The following CYP26B1 variants were observed in gnomAD, a reference collection of about 807,000 sequenced individuals.
CYP26B1 encodes cytochrome P450 26B1.
Under a neutral mutation model 39.1 loss-of-function variants are expected in CYP26B1, and 8 were observed. The observed-to-expected ratio is 0.20, with a 90% CI of 0.12 to 0.37. The LOEUF (loss-of-function observed/expected upper bound fraction) is 0.37. Ranked by LOEUF, CYP26B1 falls within the 10% of genes least tolerant of loss-of-function variation. The pLI, the probability that CYP26B1 is intolerant of heterozygous loss-of-function variation, is 1.00. For synonymous variants in CYP26B1, 321 were observed against 314.3 expected (o/e 1.02, Z -0.23); for missense variants, 615 against 707.0 (o/e 0.87, Z 1.48).
At chr2:72,143,834 G>A (rs1677031282) in intron 2 of CYP26B1, among the ~76,000 whole-genome samples, 155 bp downstream of exon 2, 1 of 152,350 alleles carries the variant, frequency 6.6e-6, no homozygotes, top group South Asian at 2.1e-4. Context: ...CCTGGATCCG[G>A]ACTCGAGGCC....
chr2:72,147,708 T>C lies in CYP26B1; in HGVS notation c.127A>G (p.Lys43Glu). The change falls in exon 1 of 6, where the codon AAG (lysine) becomes GAG (glutamate). Residue 43 changes from lysine (K) to glutamate (E), a missense_variant. Transcript: ENST00000001146. The surrounding 1 kb of genome is among the most constrained non-coding windows in gnomAD (Gnocchi z 6.1). Reference sequence around the variant, plus strand: ...TTGGGGATGGGCAGCTTGCAGCTCTTGTCGCGAGTGGCGGCCCAGCGCAGC... The same window carrying C: ...TTGGGGATGGGCAGCTTGCAGCTCTCGTCGCGAGTGGCGGCCCAGCGCAGC... ...WQLRWAATRD[K>E]SCKLPIPKGS... 6.2e-7 allele frequency: 1 copy of C among 1,605,798 alleles called. No homozygotes were observed. Among genetic ancestry groups the C allele is most frequent in the Non-Finnish European group, 8.5e-7 (1 of 1,176,644 alleles).
At position 72,131,974 on chromosome 2, in the gene CYP26B1, C is replaced by T. The variant is rs551083754; in HGVS notation, c.*253G>A. 6 of 572,822 alleles carry T rather than the reference C, an allele frequency of 1.0e-5. No homozygotes were observed. The East Asian group carries it at 1.5e-4, about 14-fold the overall frequency. The allele number at this position is 572,822 out of a possible 1,614,324, so 35.5% of individuals were successfully genotyped here. On this transcript the variant is annotated 3_prime_UTR_variant, in exon 6 of 6. Coordinates refer to ENST00000001146, the MANE Select transcript of CYP26B1 (RefSeq NM_019885.4). ...TGTCACGGGCATGCAGAGCCCCTGCCACGCCCTTCCCAGGGGCTGAGCTGA... is the reference window on the plus strand; with the variant it reads ...TGTCACGGGCATGCAGAGCCCCTGCTACGCCCTTCCCAGGGGCTGAGCTGA...
intron 5 of CYP26B1, 34 bp downstream of exon 5, chr2:72,132,986 TCCC>T: frequency 2.5e-6 from 4 of 1,612,536 alleles, no homozygotes; most frequent in Non-Finnish European, 3.4e-6. Flanking sequence ...GTGCCCCTGC[TCCC>T]CCATCGCCCC....
chr2:72,139,984 G>C (rs1309515050), intron 2 of CYP26B1, among the ~76,000 whole-genome samples: 3 of 152,336 alleles, frequency 2.0e-5, no homozygotes, highest in South Asian at 2.1e-4. Context: ...CATGTCTCAG[G>C]GTCCTGCAGC....
chr2:72,135,918 C>A (rs563238661), intron 2 of CYP26B1, among the ~76,000 whole-genome samples: 2 of 152,234 alleles, frequency 1.3e-5, no homozygotes, highest in East Asian at 3.9e-4. Flanking sequence ...GTGGCCAGGT[C>A]CAAAAGCAGG....
chr2:72,141,619 A>G (rs1558970850), intron 2 of CYP26B1, among the ~76,000 whole-genome samples: 1 of 152,212 alleles, frequency 6.6e-6, no homozygotes, highest in Non-Finnish European at 1.5e-5. Flanking sequence ...CCGGATAAAG[A>G]GGTGTGCATG....
chr2:72,140,748 G>A (rs529018600), intron 2 of CYP26B1, among the ~76,000 whole-genome samples: 6 of 152,314 alleles, frequency 3.9e-5, no homozygotes, highest in African/African-American at 1.4e-4. Context: ...AGGGATGGTG[G>A]GTGGACAGGC....
chr2:72,138,971 C>T (rs1050269168), intron 2 of CYP26B1, among the ~76,000 whole-genome samples: 2 of 152,252 alleles, frequency 1.3e-5, no homozygotes, highest in African/African-American at 4.8e-5. Context: ...CTCCTCACCC[C>T]TCCTGCCTCT....
In CYP26B1 at chr2:72,135,266, G is replaced by A. The variant is rs754646653; in HGVS notation, c.583C>T (p.Arg195Trp). ...AQKLTFRMAIRVLLGFSIPEE... is the reference protein window; with the variant it reads ...AQKLTFRMAIWVLLGFSIPEE... Reference sequence around the variant, plus strand: ...GGGATGCTGAAGCCCAGCAGCACCCGGATGGCCATGCGGAAGGTCAGCTTC... The same window carrying A: ...GGGATGCTGAAGCCCAGCAGCACCCAGATGGCCATGCGGAAGGTCAGCTTC... The change falls in exon 3 of 6, where the codon CGG becomes TGG. Residue 195 changes from arginine (R) to tryptophan (W), a missense_variant. Transcript: ENST00000001146. 1.9e-5 allele frequency: 30 copies of A among 1,613,988 alleles called. No individual in the cohort carries two copies. The highest frequency in any genetic ancestry group is 3.3e-5 in the South Asian group (3 of 91,086).
chr2:72,131,838 C>A lies in CYP26B1; in HGVS notation c.*389G>T. On this transcript the variant is annotated 3_prime_UTR_variant, in exon 6 of 6. Coordinates refer to ENST00000001146, the MANE Select transcript of CYP26B1 (RefSeq NM_019885.4). ...ACGCTGAAGAGTGCGCCCAAGGGGG[C>A]ACGGCTCTTCCCGTCCCCCAACCCC... The A allele has an allele frequency of 4.6e-6, 1 of 218,422 alleles. No individual in the cohort carries two copies. Among genetic ancestry groups the A allele is most frequent in the Non-Finnish European group, 9.2e-6 (1 of 108,908 alleles). 13.5% of individuals were successfully genotyped at this position (218,422 alleles called of 1,614,324 possible).
intron 1 of CYP26B1, chr2:72,144,473 A>T: frequency 7.8e-7 from 1 of 1,278,366 alleles, no homozygotes. Flanking sequence ...ATGACTTTCG[A>T]GAGGAAAGAG....
intron 4 of CYP26B1, among the ~76,000 whole-genome samples, chr2:72,133,678 G>A (rs182756304): frequency 2.1e-4 from 32 of 152,348 alleles, no homozygotes; most frequent in African/African-American, 6.7e-4. Context: ...CAGGCCCTGC[G>A]CAGCAGGTGT....
At chr2:72,135,076 C>A in intron 3 of CYP26B1, 68 bp downstream of exon 3, 1 of 1,607,512 alleles carries the variant, frequency 6.2e-7, no homozygotes, top group Non-Finnish European at 8.5e-7. Flanking sequence ...GTCAGGTCAG[C>A]CACCCACCCC....
In CYP26B1 at chr2:72,134,664, A is replaced by G. The variant is rs1420842953; in HGVS notation, c.861+97T>C. ...GAAAGCATGTGTGGGGCCAGACTAC[A>G]GGGGGTAGAAATGGCTGGGCACATT... On this transcript the variant is annotated intron_variant, in intron 4 of 5. Transcript: ENST00000001146. 3.9e-6 allele frequency: 6 copies of G among 1,526,742 alleles called. No homozygotes were observed. In the South Asian group the frequency reaches 4.8e-5, roughly 12 times the overall value. The allele number at this position is 1,526,742 out of a possible 1,614,324, so 94.6% of individuals were successfully genotyped here. A position where few individuals can be genotyped will look rare whatever the true frequency, so the allele number is the denominator to read the frequency against.
chr2:72,144,803 C>T (rs1457110820), intron 1 of CYP26B1, among the ~76,000 whole-genome samples: 1 of 152,214 alleles, frequency 6.6e-6, no homozygotes, highest in Non-Finnish European at 1.5e-5. Context: ...GCATTTTGCC[C>T]TGGAAATAAC....
rs777724611 is a variant in CYP26B1, at chr2:72,134,927, G to A, written c.706-11C>T. ...CCGAGCCTGAATGCCCTGCAGAGGTGAGGGCTGTCACTCATATGGAAGGGC... is the reference window on the plus strand; with the variant it reads ...CCGAGCCTGAATGCCCTGCAGAGGTAAGGGCTGTCACTCATATGGAAGGGC... On this transcript the variant is annotated splice_polypyrimidine_tract_variant and intron_variant, in intron 3 of 5. Coordinates refer to ENST00000001146, the MANE Select transcript of CYP26B1 (RefSeq NM_019885.4). 9.3e-6 allele frequency: 15 copies of A among 1,613,230 alleles called. No homozygotes were observed. Among genetic ancestry groups the A allele is most frequent in the Non-Finnish European group, 1.2e-5 (14 of 1,180,020 alleles).
chr2:72,144,592 G>T, intron 1 of CYP26B1: 1 of 776,386 alleles, frequency 1.3e-6, no homozygotes, highest in Non-Finnish European at 1.6e-6. Flanking sequence ...CAGGCTCCGG[G>T]CCACGGGCTG....
intron 2 of CYP26B1, 97 bp from the exon 3 acceptor site, chr2:72,135,516 C>T: frequency 6.5e-7 from 1 of 1,537,684 alleles, no homozygotes; most frequent in Non-Finnish European, 8.9e-7. Flanking sequence ...CTGGAGAGAA[C>T]TTCAGCTTCC....
rs116045368 is a variant in CYP26B1, at chr2:72,131,859, A to T, written c.*368T>A. 9.6e-3 allele frequency: 2,263 copies of T among 235,828 alleles called. 53 individuals are homozygous for T. The highest frequency in any genetic ancestry group is 0.049 in the African/African-American group (2,138 of 44,074). The allele number at this position is 235,828 out of a possible 1,614,324, so 14.6% of individuals were successfully genotyped here. ...GGGGCACGGCTCTTCCCGTCCCCCA[A>T]CCCCAGCTAAAAGGGTCCGAAAGGA... On this transcript the variant is annotated 3_prime_UTR_variant, in exon 6 of 6. Coordinates refer to ENST00000001146, the MANE Select transcript of CYP26B1 (RefSeq NM_019885.4).
Sources: allele counts gnomAD v4.1 joint callset (sites outside exome capture counted in the v4.1 genomes callset), GRCh38; gene constraint gnomAD v4.1.1; non-coding constraint Gnocchi (gnomAD v3.1); transcripts MANE v1.5; gene names NCBI Gene and HGNC (gene_info 2026-07-23, HGNC 2026-07-21).